Variants in A1CF observed in about 807,000 individuals in gnomAD.
The protein encoded by A1CF is APOBEC-1 stimulating protein.
A1CF carries 48 observed loss-of-function variants against 68.9 expected under a neutral mutation model. The ratio of observed to expected loss-of-function variants is 0.70; its 90% CI spans 0.55 to 0.89. A1CF has a LOEUF of 0.89. A1CF is among the 40% of genes least tolerant of loss of function. The pLI is 0.00. For synonymous variants in A1CF, 272 were observed against 260.4 expected (o/e 1.04, Z -0.43); for missense variants, 653 against 718.9 (o/e 0.91, Z 1.05).
chr10:50,813,940 G>A lies in A1CF; in HGVS notation c.1240C>T (p.Leu414Phe), dbSNP rs1838242513. The A allele has an allele frequency of 1.2e-6, 2 of 1,613,772 alleles. No homozygotes were observed. The highest frequency in any genetic ancestry group is 1.1e-5 in the South Asian group (1 of 91,080). Reference sequence around the variant, plus strand: ...TCCATCCCAGGTAAAATGTCATAGAGTTTGTCTTCTCTTTTGTCTCCTTTG... The same window carrying A: ...TCCATCCCAGGTAAAATGTCATAGAATTTGTCTTCTCTTTTGTCTCCTTTG... ...QVKGDKREDK[L>F]YDILPGMELT... is the part of the protein sequence containing the mutation. Residue 414 changes from leucine to phenylalanine, a missense_variant, in exon 10 of 13, where the codon CTC becomes TTC. By Grantham distance (22) the Leu-to-Phe change is conservative. Coordinates refer to ENST00000373997, the MANE Select transcript of A1CF (RefSeq NM_014576.4).
intron 1 of A1CF, among the ~76,000 whole-genome samples, chr10:50,881,832 C>T (rs1302337721): frequency 1.3e-5 from 2 of 152,182 alleles, no homozygotes; most frequent in African/African-American, 4.8e-5. Context: ...ATCTTACATC[C>T]TTATTAGTAT....
chr10:50,836,223 ATTTCTTCTCTCTT>A lies in A1CF; in HGVS notation c.442_454del (p.Lys148SerfsTer5). 1.9e-6 allele frequency: 3 copies of A among 1,613,930 alleles called. No homozygotes were observed. The highest frequency in any genetic ancestry group is 2.5e-6 in the Non-Finnish European group (3 of 1,179,886). ...AGTAACCTTTTTCATCTCCGATAAG[ATTTCTTCTCTCTT>A]TTTGGTTTTTGGGATGCCCCCAACA... is the stretch of plus-strand genomic sequence containing the variant. On this transcript the variant is annotated frameshift_variant, in exon 6 of 13. Transcript: ENST00000373997. LOFTEE classifies it high-confidence loss of function.
At chr10:50,840,756 C>T (rs1194380494) in intron 5 of A1CF, among the ~76,000 whole-genome samples, 1 of 152,198 alleles carries the variant, frequency 6.6e-6, no homozygotes, top group Non-Finnish European at 1.5e-5. Context: ...CAGTCACCTT[C>T]TCAACACCTC....
At chr10:50,841,274 C>T (rs1488467913) in intron 5 of A1CF, among the ~76,000 whole-genome samples, 1 of 152,182 alleles carries the variant, frequency 6.6e-6, no homozygotes, top group African/African-American at 2.4e-5. Context: ...TCTCTTTACC[C>T]TCTCCGGCCA....
At chr10:50,834,265 C>T (rs1215659894) in intron 6 of A1CF, among the ~76,000 whole-genome samples, 2 of 152,162 alleles carry the variant, frequency 1.3e-5, no homozygotes, top group African/African-American at 2.4e-5. Flanking sequence ...AATTATTTCA[C>T]ATATCTGTTT....
intron 10 of A1CF, 88 bp downstream of exon 10, chr10:50,813,769 G>T: frequency 7.2e-7 from 1 of 1,395,882 alleles, no homozygotes. Context: ...CATAGCTTGA[G>T]TAGGGATCAA....
At chr10:50,835,528 T>C (rs892344091) in intron 6 of A1CF, among the ~76,000 whole-genome samples, 29 of 152,296 alleles carry the variant, frequency 1.9e-4, no homozygotes, top group African/African-American at 7.0e-4. Context: ...TTGATAGTTA[T>C]TCACCAAATG....
rs1588992395 is a variant in A1CF at position 50,831,891 on chromosome 10, G to A, written c.605-3596C>T. On this transcript the variant is annotated intron_variant, in intron 6 of 12. Transcript: ENST00000373997. Reference sequence around the variant, plus strand: ...GTTATCACCTCACACCTGGTAGAATGGCCATTATCAAAAAGATCAAAGATG... The same window carrying A: ...GTTATCACCTCACACCTGGTAGAATAGCCATTATCAAAAAGATCAAAGATG... Among the ~76,000 whole-genome samples, 4 of 152,190 alleles carry A rather than the reference G, an allele frequency of 2.6e-5. No individual in the cohort carries two copies. The South Asian group carries it at 8.3e-4, about 32-fold the overall frequency.
intron 1 of A1CF, among the ~76,000 whole-genome samples, chr10:50,864,411 C>T: frequency 6.6e-6 from 1 of 152,150 alleles, no homozygotes. Context: ...CTTTCCCTTC[C>T]CTTCTCCTTT....
chr10:50,858,654 A>T (rs1014128637), intron 3 of A1CF, among the ~76,000 whole-genome samples: 3 of 152,144 alleles, frequency 2.0e-5, no homozygotes, highest in African/African-American at 7.2e-5. Context: ...TCTAATATCA[A>T]GAAGTTCAAA....
intron 6 of A1CF, 155 bp from the exon 7 acceptor site, chr10:50,828,450 T>G: frequency 2.0e-6 from 1 of 495,362 alleles, no homozygotes; most frequent in East Asian, 3.1e-5. Context: ...TTAAGAGACA[T>G]TCCAAGTGGA....
chr10:50,871,708 G>A (rs977694211), intron 1 of A1CF, among the ~76,000 whole-genome samples: 1 of 151,958 alleles, frequency 6.6e-6, no homozygotes, highest in Non-Finnish European at 1.5e-5. Flanking sequence ...AATTCATAGG[G>A]GGATCATAAA....
rs1838349107 is a variant in A1CF, at chr10:50,816,025, G to T, written c.1122C>A (p.Ile374=). The part of the protein sequence containing the change: ...TKGHLSNRAI[I]RAPSVRGAAG... ...TGTTACCTCTAACAGAAGGGGCTCG[G>T]ATAATGGCTCTGTTGCTGAGATGTC... Residue 374 remains isoleucine, a synonymous_variant, in exon 9 of 13, where the codon ATC becomes ATA. Coordinates refer to ENST00000373997, the MANE Select transcript of A1CF (RefSeq NM_014576.4). 1 of 1,613,710 alleles carries T rather than the reference G, an allele frequency of 6.2e-7. No individual in the cohort carries two copies. The highest frequency in any genetic ancestry group is 8.5e-7 in the Non-Finnish European group (1 of 1,179,736).
chr10:50,831,493 C>T (rs760590229), intron 6 of A1CF, among the ~76,000 whole-genome samples: 3 of 152,282 alleles, frequency 2.0e-5, no homozygotes, highest in Non-Finnish European at 2.9e-5. Flanking sequence ...CTTTGGGAGG[C>T]CAAGGCTGGC....
chr10:50,873,914 G>A (rs2132595098), intron 1 of A1CF, among the ~76,000 whole-genome samples: 1 of 152,036 alleles, frequency 6.6e-6, no homozygotes, highest in East Asian at 1.9e-4. Context: ...GTTTATCAGA[G>A]AAAAAGAACA....
Position 50,816,276 on chromosome 10 carries a change from G to C in A1CF, c.871C>G (p.Leu291Val), listed in dbSNP as rs1331532026. Residue 291 changes from leucine (L) to valine (V), a missense_variant, in exon 9 of 13, where the codon CTG (leucine) becomes GTG (valine). Leu to Val is a conservative substitution (Grantham distance 32). Coordinates refer to ENST00000373997, the MANE Select transcript of A1CF (RefSeq NM_014576.4). ...GTGACTTCAATGGGGGAACCATCCA[G>C]CACCTGTTGTAGAGAGCAAAGAAAT... is the stretch of plus-strand genomic sequence containing the variant. ...EAMKALNGKV[L>V]DGSPIEVTLA... 6 of 1,613,246 alleles carry C rather than the reference G, an allele frequency of 3.7e-6. No homozygotes were observed. The South Asian group carries it at 4.4e-5, about 12-fold the overall frequency.
At chr10:50,860,025 G>T in intron 2 of A1CF, 40 bp from the exon 3 acceptor site, 1 of 1,061,124 alleles carries the variant, frequency 9.4e-7, no homozygotes, top group Non-Finnish European at 1.4e-6. Flanking sequence ...AATTACTGTT[G>T]TCAAGTCCAA....
intron 12 of A1CF, 134 bp from the exon 13 acceptor site, chr10:50,807,014 A>G: frequency 1.2e-6 from 1 of 867,292 alleles, no homozygotes; most frequent in Non-Finnish European, 1.7e-6. Flanking sequence ...TGTTTTAAAA[A>G]GTGTCCTTAA....
intron 8 of A1CF, among the ~76,000 whole-genome samples, chr10:50,818,803 C>T (rs1039990973): frequency 6.6e-6 from 1 of 152,032 alleles, no homozygotes; most frequent in East Asian, 1.9e-4. Flanking sequence ...TTGAGTGGGC[C>T]CCTGAGGAGC....
Sources: gnomAD v4.1 joint callset for allele counts (sites outside exome capture counted in the v4.1 genomes callset) on GRCh38, gnomAD v4.1.1 for gene constraint, MANE v1.5 for transcripts, NCBI Gene and HGNC (gene_info 2026-07-23, HGNC 2026-07-21) for gene names.